The following EXOC2 variants were observed in gnomAD, a reference collection of about 807,000 sequenced individuals.
The protein encoded by EXOC2 is exocyst complex component 2.
Under a neutral mutation model 131.8 loss-of-function variants are expected in EXOC2, and 70 were observed. The observed-to-expected ratio is 0.53, with a 90% CI of 0.44 to 0.65. The LOEUF (loss-of-function observed/expected upper bound fraction) is 0.65. EXOC2 is among the 30% of genes least tolerant of loss of function. The pLI, the probability that EXOC2 is intolerant of heterozygous loss-of-function variation, is 0.00. For missense variants in EXOC2, 923 were observed against 1,108.6 expected (o/e 0.83, Z 2.38); for synonymous variants, 411 against 398.4 (o/e 1.03, Z -0.38).
chr6:499,416 A>G (rs1006075111), intron 24 of EXOC2, among the ~76,000 whole-genome samples: 3 of 143,576 alleles, frequency 2.1e-5, no homozygotes, highest in Non-Finnish European at 4.6e-5. Context: ...ATTTCAGAGA[A>G]AGACTCACAG....
rs777820199 is a variant in EXOC2, at chr6:598,042, T to G, written c.1052A>C (p.His351Pro). ...TTACCTTATGTAACGTTTTTGGTCA[T>G]GTAAAGTTGATGGTGTCTCAAGCAA... The part of the protein sequence containing the change: ...DKLLETPSTL[H>P]DQKRYIRYLS... The change falls in exon 10 of 28, where the codon CAT becomes CCT. Residue 351 changes from histidine to proline, a missense_variant. Coordinates refer to ENST00000230449, the MANE Select transcript of EXOC2 (RefSeq NM_018303.6). 2 of 1,613,672 alleles carry G rather than the reference T, an allele frequency of 1.2e-6. No individual in the cohort carries two copies. The highest frequency in any genetic ancestry group is 4.5e-5 in the East Asian group (2 of 44,862).
chr6:583,670 T>TA, intron 11 of EXOC2, among the ~76,000 whole-genome samples: 1 of 152,220 alleles, frequency 6.6e-6, no homozygotes. Context: ...TGTGTGCACA[T>TA]ACGCTGCATA....
intron 12 of EXOC2, among the ~76,000 whole-genome samples, chr6:573,491 G>A (rs1192251747): frequency 1.3e-5 from 2 of 152,116 alleles, no homozygotes; most frequent in Non-Finnish European, 2.9e-5. Flanking sequence ...TGACGCCGCG[G>A]ATCAGGCTCT....
intron 13 of EXOC2, among the ~76,000 whole-genome samples, chr6:568,201 C>A (rs1365206539): frequency 6.6e-6 from 1 of 152,168 alleles, no homozygotes; most frequent in African/African-American, 2.4e-5. Context: ...GATTAACATG[C>A]GCATCAATGC....
intron 6 of EXOC2, among the ~76,000 whole-genome samples, chr6:612,285 T>C (rs1410747697): frequency 6.6e-6 from 1 of 152,240 alleles, no homozygotes; most frequent in Non-Finnish European, 1.5e-5. Context: ...ACAGCCATGC[T>C]TAGCTCCCGG....
intron 21 of EXOC2, among the ~76,000 whole-genome samples, chr6:553,650 C>G (rs1757267056): frequency 1.3e-5 from 2 of 152,144 alleles, no homozygotes; most frequent in Non-Finnish European, 2.9e-5. Context: ...ATGACTGACA[C>G]TGCAACTCCA....
At chr6:659,373 C>T (rs1211625059) in intron 1 of EXOC2, among the ~76,000 whole-genome samples, 2 of 152,264 alleles carry the variant, frequency 1.3e-5, no homozygotes, top group East Asian at 3.9e-4. Context: ...TCCCTAACTG[C>T]CCTCCATGGA....
chr6:613,962 G>A (rs899659367), intron 6 of EXOC2, among the ~76,000 whole-genome samples: 4 of 151,820 alleles, frequency 2.6e-5, no homozygotes, highest in Non-Finnish European at 5.9e-5. Context: ...CATGCCAAAA[G>A]AAAAATTTCT....
chr6:534,044 T>TA (rs908858741), intron 22 of EXOC2, among the ~76,000 whole-genome samples: 1 of 152,100 alleles, frequency 6.6e-6, no homozygotes, highest in Non-Finnish European at 1.5e-5. Flanking sequence ...AGGTGAAACA[T>TA]ACAACTTCCA....
At chr6:513,384 C>G (rs1274228093) in intron 23 of EXOC2, among the ~76,000 whole-genome samples, 3 of 152,226 alleles carry the variant, frequency 2.0e-5, no homozygotes, top group African/African-American at 7.2e-5. Context: ...GAAGCCCCAG[C>G]ACAAACCAAG....
rs1762988297 is a variant in EXOC2 at position 485,315 on chromosome 6, G to C, written c.*1356C>G. ...CTTAACAGCTTTATCAAGCACATTT[G>C]TGAAAGATTAAACTTTCATTTCCAG... On this transcript the variant is annotated 3_prime_UTR_variant, in exon 28 of 28. Coordinates refer to ENST00000230449, the MANE Select transcript of EXOC2 (RefSeq NM_018303.6). The C allele has an allele frequency of 6.6e-6, 1 of 152,120 alleles. No individual in the cohort carries two copies. The highest frequency in any genetic ancestry group is 6.5e-5 in the Admixed American group (1 of 15,272). The allele number at this position is 152,120 out of a possible 1,614,324, so 9.4% of individuals were successfully genotyped here.
At chr6:546,592 C>A (rs954528898) in intron 22 of EXOC2, among the ~76,000 whole-genome samples, 1 of 152,168 alleles carries the variant, frequency 6.6e-6, no homozygotes, top group African/African-American at 2.4e-5. Context: ...CAAGACCAAC[C>A]CCTCCTCTTG....
At chr6:504,426 T>G (rs1264055886) in intron 23 of EXOC2, among the ~76,000 whole-genome samples, 2 of 152,228 alleles carry the variant, frequency 1.3e-5, no homozygotes, top group Non-Finnish European at 2.9e-5. Context: ...GACCAGAATC[T>G]GATTTTTGGT....
chr6:685,869 C>CTTTTTTTTTT (rs58892194), intron 1 of EXOC2, among the ~76,000 whole-genome samples: 36 of 98,238 alleles, frequency 3.7e-4, no homozygotes, highest in African/African-American at 1.4e-3. Flanking sequence ...TCCTGGACCT[C>CTTTTTTTTTT]TTTTTTTTTT....
At chr6:587,696 C>T (rs372149927) in intron 11 of EXOC2, among the ~76,000 whole-genome samples, 9 of 152,308 alleles carry the variant, frequency 5.9e-5, no homozygotes, top group South Asian at 2.1e-4. Flanking sequence ...ACGTTCTGTC[C>T]GCGTCTGTGC....
chr6:551,996 G>A (rs549974709), intron 21 of EXOC2, among the ~76,000 whole-genome samples: 16 of 152,204 alleles, frequency 1.1e-4, no homozygotes, highest in Non-Finnish European at 1.9e-4. Flanking sequence ...CTTTCTCTCC[G>A]CGCCCTGTTG....
At chr6:542,696 A>T (rs115788722) in intron 22 of EXOC2, among the ~76,000 whole-genome samples, 136 of 152,374 alleles carry the variant, frequency 8.9e-4, no homozygotes, top group African/African-American at 3.2e-3. Context: ...AGCTACAGAT[A>T]AATGTTCCTA....
chr6:502,283 G>A (rs528868163), intron 23 of EXOC2, among the ~76,000 whole-genome samples: 1 of 152,340 alleles, frequency 6.6e-6, no homozygotes, highest in African/African-American at 2.4e-5. Context: ...GCAAGAACAA[G>A]TGTCAGGATT....
intron 7 of EXOC2, 55 bp downstream of exon 7, chr6:610,043 T>G: frequency 6.5e-7 from 1 of 1,533,172 alleles, no homozygotes; most frequent in Admixed American, 1.8e-5. Context: ...AAGAACTAAT[T>G]TTAAAGCATG....
Sources: gnomAD v4.1 joint callset for allele counts (sites outside exome capture counted in the v4.1 genomes callset) on GRCh38, gnomAD v4.1.1 for gene constraint, MANE v1.5 for transcripts, NCBI Gene and HGNC (gene_info 2026-07-23, HGNC 2026-07-21) for gene names.